Variants in FRS3 observed in about 807,000 individuals in gnomAD.
The protein encoded by FRS3 is fibroblast growth factor receptor substrate 3.
A neutral mutation model predicts 41.9 loss-of-function variants in FRS3; 17 were observed. The observed-to-expected ratio is 0.41, with a 90% CI of 0.28 to 0.61. The LOEUF (loss-of-function observed/expected upper bound fraction) is 0.61. Among genes scored for constraint, FRS3 ranks in the 20% least tolerant of loss-of-function variants. FRS3 has a pLI of 0.36. For missense variants in FRS3, 619 were observed against 672.1 expected (o/e 0.92, Z 0.87); for synonymous variants, 287 against 274.5 (o/e 1.05, Z -0.45).
chr6:41,772,973 G>T lies in FRS3; in HGVS notation c.254-14C>A. ...ATGCAAATATTCCTGGAGAAGGAGA[G>T]GAAGAAATGACCCTAGGCAATAGGG... On this transcript the variant is annotated splice_polypyrimidine_tract_variant and intron_variant, in intron 4 of 6. Transcript: ENST00000373018. The T allele has an allele frequency of 6.2e-7, 1 of 1,612,940 alleles. No homozygotes were observed. Among genetic ancestry groups the T allele is most frequent in the Non-Finnish European group, 8.5e-7 (1 of 1,179,104 alleles).
At chr6:41,778,479 T>C (rs780747542) in intron 1 of FRS3, among the ~76,000 whole-genome samples, 1 of 152,138 alleles carries the variant, frequency 6.6e-6, no homozygotes, top group Non-Finnish European at 1.5e-5. Context: ...AACCATCACC[T>C]TACCTTTGCA....
At chr6:41,775,145 C>A (rs1343010774) in intron 4 of FRS3, among the ~76,000 whole-genome samples, 1 of 152,206 alleles carries the variant, frequency 6.6e-6, no homozygotes. Flanking sequence ...TGAACACAAT[C>A]CCATGCAGGA....
Position 41,777,947 on chromosome 6 carries a change from A to G in FRS3, c.-24+86T>C, listed in dbSNP as rs1197665854. On this transcript the variant is annotated intron_variant, in intron 2 of 6. Coordinates refer to ENST00000373018, the MANE Select transcript of FRS3 (RefSeq NM_006653.5). ...TTCTAGAACTCCTGCTGAATGGTAAAGCTTTGAACAACCAGGTGACCTGTA... is the reference window on the plus strand; with the variant it reads ...TTCTAGAACTCCTGCTGAATGGTAAGGCTTTGAACAACCAGGTGACCTGTA... 5 of 152,684 alleles carry G rather than the reference A, an allele frequency of 3.3e-5. 1 individual carries two copies. The highest frequency in any genetic ancestry group is 2.6e-4 in the Admixed American group (4 of 15,286). The allele number at this position is 152,684 out of a possible 1,614,324, so 9.5% of individuals were successfully genotyped here. A position where few individuals can be genotyped will look rare whatever the true frequency, so the allele number is the denominator to read the frequency against.
chr6:41,778,424 A>T (rs1772455603), intron 1 of FRS3, among the ~76,000 whole-genome samples: 1 of 152,240 alleles, frequency 6.6e-6, no homozygotes. Context: ...AGACCTTTTA[A>T]GTCACTTTAG....
intron 3 of FRS3, among the ~76,000 whole-genome samples, chr6:41,775,882 A>G (rs1772400717): frequency 2.0e-5 from 3 of 152,220 alleles, no homozygotes; most frequent in African/African-American, 7.2e-5. Flanking sequence ...TCGGTTTGTT[A>G]GATAACAAAT....
Position 41,770,906 on chromosome 6 carries a change from T to C in FRS3, c.1192A>G (p.Arg398Gly), listed in dbSNP as rs1282093222. ...CGGCGGAAATCAAAGTTGAAGACCC[T>C]TGGGGAGCCGCGGCGGCGGGTCAGT... is the stretch of plus-strand genomic sequence containing the variant. ...VPLTRRRGSPRVFNFDFRRPG... is the reference protein window; with the variant it reads ...VPLTRRRGSPGVFNFDFRRPG... The change falls in exon 7 of 7, where the codon AGG (arginine) becomes GGG (glycine). Residue 398 changes from arginine to glycine, a missense_variant. By Grantham distance (125) the Arg-to-Gly change is moderately radical. This residue lies in a region of FRS3 where 487 missense variants were observed against 478.3 expected (regional missense o/e 1.02). Transcript: ENST00000373018. 4 of 1,611,226 alleles carry C rather than the reference T, an allele frequency of 2.5e-6. No individual in the cohort carries two copies. The highest frequency in any genetic ancestry group is 3.4e-6 in the Non-Finnish European group (4 of 1,179,942).
chr6:41,777,013 A>T lies in FRS3; in HGVS notation c.-23-3T>A. The T allele has an allele frequency of 6.2e-7, 1 of 1,610,870 alleles. No individual in the cohort carries two copies. The highest frequency in any genetic ancestry group is 2.2e-5 in the East Asian group (1 of 44,864). ...GGTGTCAGAGCAGCCAGCCTGCCCT[A>T]GGAAAAACATACAGGATATGCAGGT... On this transcript the variant is annotated splice_polypyrimidine_tract_variant and splice_region_variant and intron_variant, in intron 2 of 6. Coordinates refer to ENST00000373018, the MANE Select transcript of FRS3 (RefSeq NM_006653.5).
intron 2 of FRS3, chr6:41,777,471 T>C (rs1192563256): frequency 2.6e-5 from 4 of 156,092 alleles, no homozygotes; most frequent in Admixed American, 2.5e-4. Flanking sequence ...GTCTCTTTTT[T>C]CCTCCCTTTT....
At chr6:41,773,124 T>C (rs1021383382) in intron 4 of FRS3, among the ~76,000 whole-genome samples, 165 bp from the exon 5 acceptor site, 92 of 152,082 alleles carry the variant, frequency 6.0e-4, no homozygotes, top group African/African-American at 3.1e-4. Flanking sequence ...TTTTTTGAGA[T>C]GGAGTTTTGC....
chr6:41,770,949 G>C lies in FRS3; in HGVS notation c.1149C>G (p.His383Gln). Reference sequence around the variant, plus strand: ...GGGTCAGTGGCACAGGAAAGCTGCCGTGGCTGCGGATGGCGGCCCGGGTGC... The same window carrying C: ...GGGTCAGTGGCACAGGAAAGCTGCCCTGGCTGCGGATGGCGGCCCGGGTGC... Reference protein sequence around the residue: ...PTSTRAAIRSHGSFPVPLTRR... With the variant: ...PTSTRAAIRSQGSFPVPLTRR... Residue 383 changes from histidine (H) to glutamine (Q), a missense_variant, in exon 7 of 7, where the codon CAC (histidine) becomes CAG (glutamine). His to Gln is a conservative substitution (Grantham distance 24, BLOSUM62 0). Transcript: ENST00000373018. The C allele has an allele frequency of 6.2e-7, 1 of 1,612,854 alleles. No homozygotes were observed. Among genetic ancestry groups the C allele is most frequent in the Non-Finnish European group, 8.5e-7 (1 of 1,179,950 alleles).
At chr6:41,772,043 C>G in intron 5 of FRS3, 79 bp from the exon 6 acceptor site, 1 of 1,207,784 alleles carries the variant, frequency 8.3e-7, no homozygotes, top group East Asian at 2.6e-5. Context: ...GTGTGGCATC[C>G]TGGGACTCCT....
At position 41,778,030 on chromosome 6, in the gene FRS3, T is replaced by C. The variant is rs1772445789; in HGVS notation, c.-24+3A>G. On this transcript the variant is annotated splice_donor_region_variant and intron_variant, in intron 2 of 6. Coordinates refer to ENST00000373018, the MANE Select transcript of FRS3 (RefSeq NM_006653.5). The stretch of plus-strand genomic sequence containing the variant: ...AAAACTGACCCCTATACACAGCTCT[T>C]ACCTCACCCAGGCCATCGGGGAGCT... 1 of 152,636 alleles carries C rather than the reference T, an allele frequency of 6.6e-6. No homozygotes were observed. Among genetic ancestry groups the C allele is most frequent in the Non-Finnish European group, 1.5e-5 (1 of 68,040 alleles). 9.5% of individuals were successfully genotyped at this position (152,636 alleles called of 1,614,324 possible). A position where few individuals can be genotyped will look rare whatever the true frequency, so the allele number is the denominator to read the frequency against.
At chr6:41,774,500 G>C (rs909624282) in intron 4 of FRS3, among the ~76,000 whole-genome samples, 13 of 152,212 alleles carry the variant, frequency 8.5e-5, no homozygotes, top group African/African-American at 2.2e-4. Context: ...GGGCAGACTA[G>C]CTAAAGGCAA....
chr6:41,772,814 G>T lies in FRS3; in HGVS notation c.399C>A (p.Ala133=). 1 of 1,611,652 alleles carries T rather than the reference G, an allele frequency of 6.2e-7. No individual in the cohort carries two copies. Among genetic ancestry groups the T allele is most frequent in the Non-Finnish European group, 8.5e-7 (1 of 1,179,820 alleles). The change falls in exon 5 of 7, where the codon GCC becomes GCA. Residue 133 remains alanine (A), a synonymous_variant. Coordinates refer to ENST00000373018, the MANE Select transcript of FRS3 (RefSeq NM_006653.5). Reference sequence around the variant, plus strand: ...TCTCCTCACCATTGGGTGGCTGGGGGGCTCGAGGGAGGTCAAGCTCAGCGG... The same window carrying T: ...TCTCCTCACCATTGGGTGGCTGGGGTGCTCGAGGGAGGTCAAGCTCAGCGG... ...SHPAELDLPR[A]PQPPNALGYT... is the part of the protein sequence containing the mutation.
chr6:41,774,524 A>G (rs866070795), intron 4 of FRS3, among the ~76,000 whole-genome samples: 1 of 152,200 alleles, frequency 6.6e-6, no homozygotes, highest in African/African-American at 2.4e-5. Context: ...TGGCAAGGCA[A>G]TCACAAGGCT....
intron 1 of FRS3, among the ~76,000 whole-genome samples, chr6:41,778,430 T>C (rs762923401): frequency 6.6e-6 from 1 of 152,160 alleles, no homozygotes; most frequent in Non-Finnish European, 1.5e-5. Flanking sequence ...TTTAAGTCAC[T>C]TTAGATCTCC....
At chr6:41,773,155 T>C (rs1056109390) in intron 4 of FRS3, among the ~76,000 whole-genome samples, 196 bp from the exon 5 acceptor site, 2 of 152,096 alleles carry the variant, frequency 1.3e-5, no homozygotes, top group Non-Finnish European at 2.9e-5. Flanking sequence ...CAGGCTGGAG[T>C]GCAATGGTGC....
Position 41,773,057 on chromosome 6 carries a change from C to A in FRS3, c.254-98G>T, listed in dbSNP as rs1455366177. ...GCAGGAAATGTCCCTCAACTCCAGTCCCAGGCCTGTAGGGGCAGGAGAGCC... is the reference window on the plus strand; with the variant it reads ...GCAGGAAATGTCCCTCAACTCCAGTACCAGGCCTGTAGGGGCAGGAGAGCC... On this transcript the variant is annotated intron_variant, in intron 4 of 6. Coordinates refer to ENST00000373018, the MANE Select transcript of FRS3 (RefSeq NM_006653.5). 6.3e-6 allele frequency: 6 copies of A among 951,898 alleles called. No homozygotes were observed. The Admixed American group carries it at 9.8e-5, about 16-fold the overall frequency. The allele number at this position is 951,898 out of a possible 1,614,324, so 59.0% of individuals were successfully genotyped here.
intron 6 of FRS3, 134 bp downstream of exon 6, chr6:41,771,682 T>C: frequency 3.4e-6 from 4 of 1,191,096 alleles, no homozygotes; most frequent in South Asian, 1.5e-5. Flanking sequence ...AGCTGCTCCC[T>C]TTTGGGGACA....
Sources: gnomAD v4.1 joint callset for allele counts (sites outside exome capture counted in the v4.1 genomes callset) on GRCh38, gnomAD v4.1.1 for gene constraint, gnomAD v4.1.1 regional missense constraint, MANE v1.5 for transcripts, NCBI Gene and HGNC (gene_info 2026-07-23, HGNC 2026-07-21) for gene names.